The following PRELID2 variants were observed in gnomAD, a reference collection of about 807,000 sequenced individuals.
PRELID2 encodes PRELI domain-containing protein 2.
PRELID2 carries 25 observed loss-of-function variants against 28.4 expected under a neutral mutation model. That is an observed-to-expected ratio of 0.88 (90% CI 0.64 to 1.23). The LOEUF is 1.23. Ranked by LOEUF, PRELID2 falls within the 50% of genes most tolerant of loss-of-function variation. PRELID2 has a pLI of 0.00. For missense variants in PRELID2, 201 were observed against 214.4 expected (o/e 0.94, Z 0.39); for synonymous variants, 76 against 71.6 (o/e 1.06, Z -0.31).
chr5:145,238,227 G>T, the PRELID2 span, among the ~76,000 whole-genome samples: 1 of 152,102 alleles, frequency 6.6e-6, no homozygotes, highest in African/African-American at 2.4e-5. Flanking sequence ...ATGTGCTAGG[G>T]TGCTATTCTA....
At chr5:145,461,154 C>T in the PRELID2 span, among the ~76,000 whole-genome samples, 4 of 152,154 alleles carry the variant, frequency 2.6e-5, no homozygotes, top group Non-Finnish European at 5.9e-5. Flanking sequence ...TATTTTCAAT[C>T]TGGCCTTAGG....
intron 1 of PRELID2, among the ~76,000 whole-genome samples, chr5:145,622,947 C>G (rs1008259685): frequency 6.6e-6 from 1 of 151,632 alleles, no homozygotes; most frequent in African/African-American, 2.4e-5. Context: ...TCTAACATAG[C>G]AGTAATAAAA....
intron 1 of PRELID2, among the ~76,000 whole-genome samples, chr5:145,474,820 G>A (rs1233720964): frequency 1.3e-5 from 2 of 152,114 alleles, no homozygotes; most frequent in Non-Finnish European, 2.9e-5. Flanking sequence ...ATCTGTGGCA[G>A]GATCATTGAC....
intron 1 of PRELID2, among the ~76,000 whole-genome samples, chr5:145,627,199 G>A (rs986301007): frequency 4.3e-5 from 6 of 139,656 alleles, no homozygotes; most frequent in East Asian, 4.6e-4. Flanking sequence ...GAATGAAATC[G>A]TATATTTTAC....
At chr5:145,775,231 C>A (rs1306532408) in intron 5 of PRELID2, among the ~76,000 whole-genome samples, 1 of 151,762 alleles carries the variant, frequency 6.6e-6, no homozygotes, top group African/African-American at 2.4e-5. Flanking sequence ...CAGAATGAGA[C>A]TCCATCTCAA....
chr5:145,236,108 G>A, the PRELID2 span, among the ~76,000 whole-genome samples: 1 of 152,106 alleles, frequency 6.6e-6, no homozygotes, highest in Admixed American at 6.6e-5. Flanking sequence ...AAGGTGCTTA[G>A]TTACCAACTA....
the PRELID2 span, among the ~76,000 whole-genome samples, chr5:145,234,068 T>C: frequency 6.6e-6 from 1 of 152,192 alleles, no homozygotes; most frequent in Admixed American, 6.5e-5. Context: ...ATTCTTAATT[T>C]GTTGTCAGTA....
intron 1 of PRELID2, among the ~76,000 whole-genome samples, chr5:145,608,225 T>C (rs1753538140): frequency 6.6e-6 from 1 of 152,154 alleles, no homozygotes; most frequent in Non-Finnish European, 1.5e-5. Context: ...TCTGTGCCTT[T>C]TAATTGCTCA....
At chr5:145,307,782 C>T in the PRELID2 span, among the ~76,000 whole-genome samples, 2 of 151,996 alleles carry the variant, frequency 1.3e-5, no homozygotes, top group East Asian at 1.9e-4. Context: ...AAAGCAAGAC[C>T]ATTGGAGCAG....
intron 1 of PRELID2, among the ~76,000 whole-genome samples, chr5:145,669,097 C>T (rs1033172792): frequency 7.1e-4 from 108 of 152,220 alleles, no homozygotes; most frequent in African/African-American, 2.4e-3. Context: ...GTCACATAGC[C>T]ATTCCTAAAC....
chr5:145,645,954 T>A (rs527993981), intron 1 of PRELID2, among the ~76,000 whole-genome samples: 196 of 152,330 alleles, frequency 1.3e-3, no homozygotes, highest in Middle Eastern at 3.4e-3. Flanking sequence ...TTTCTCTGGC[T>A]GCCCTTAACA....
At chr5:145,617,701 C>A (rs1753718199) in intron 1 of PRELID2, among the ~76,000 whole-genome samples, 1 of 151,130 alleles carries the variant, frequency 6.6e-6, no homozygotes, top group Non-Finnish European at 1.5e-5. Context: ...CCAATGTTTC[C>A]TGAAGTTTTG....
intron 1 of PRELID2, among the ~76,000 whole-genome samples, chr5:145,663,352 T>C (rs1421089529): frequency 6.6e-6 from 1 of 152,104 alleles, no homozygotes; most frequent in African/African-American, 2.4e-5. Flanking sequence ...CTTTCAAAGT[T>C]AGAACATGAT....
At chr5:145,654,468 T>G (rs1015476655) in intron 1 of PRELID2, among the ~76,000 whole-genome samples, 2 of 152,034 alleles carry the variant, frequency 1.3e-5, no homozygotes, top group Non-Finnish European at 1.5e-5. Flanking sequence ...TAGACCAATA[T>G]CCCTGATGAA....
intron 3 of PRELID2, among the ~76,000 whole-genome samples, chr5:145,819,194 C>T (rs1754585049): frequency 6.6e-6 from 1 of 152,178 alleles, no homozygotes; most frequent in African/African-American, 2.4e-5. Context: ...ATGTCTTTAT[C>T]AGTAGCCTGA....
chr5:145,620,244 T>C (rs147184119), intron 1 of PRELID2, among the ~76,000 whole-genome samples: 99 of 152,228 alleles, frequency 6.5e-4, no homozygotes, highest in African/African-American at 2.2e-3. Context: ...TTTAAAAATA[T>C]CATAGTGAAA....
chr5:145,535,404 T>A (rs1752690817), intron 1 of PRELID2, among the ~76,000 whole-genome samples: 2 of 152,016 alleles, frequency 1.3e-5, no homozygotes, highest in South Asian at 4.1e-4. Flanking sequence ...CCTGGCCTAG[T>A]CCATTTCCCA....
chr5:145,826,632 A>G (rs193291196), intron 1 of PRELID2, among the ~76,000 whole-genome samples: 78 of 152,312 alleles, frequency 5.1e-4, no homozygotes, highest in Non-Finnish European at 9.0e-4. Flanking sequence ...ACAAGGGTAA[A>G]ATGTAGACGT....
downstream of PRELID2, among the ~76,000 whole-genome samples, chr5:145,470,841 A>G (rs1236729759): frequency 1.3e-5 from 2 of 152,110 alleles, no homozygotes; most frequent in Admixed American, 6.6e-5. Context: ...ACATCTTCCA[A>G]TGAAGTATCT....
Sources: allele counts gnomAD v4.1 joint callset (sites outside exome capture counted in the v4.1 genomes callset), GRCh38; gene constraint gnomAD v4.1.1; transcripts MANE v1.5; gene names NCBI Gene and HGNC (gene_info 2026-07-23, HGNC 2026-07-21).